Variants in SCYL2 observed in about 807,000 individuals in gnomAD.
SCYL2 encodes the protein SCY1-like protein 2.
SCYL2 carries 36 observed loss-of-function variants against 100.4 expected under a neutral mutation model. That is an observed-to-expected ratio of 0.36 (90% CI 0.27 to 0.47). SCYL2 has a LOEUF of 0.47. Among genes scored for constraint, SCYL2 ranks in the 20% least tolerant of loss-of-function variants. The pLI is 1.00. For synonymous variants in SCYL2, 330 were observed against 359.2 expected (o/e 0.92, Z 0.92); for missense variants, 902 against 1,083.9 (o/e 0.83, Z 2.36).
chr12:100,296,167 ATTACT>A (rs1309665032), intron 3 of SCYL2, among the ~76,000 whole-genome samples: 3 of 152,230 alleles, frequency 2.0e-5, no homozygotes, highest in African/African-American at 7.2e-5. Flanking sequence ...CAATTCAAAG[ATTACT>A]TTAAGATGTC....
chr12:100,296,509 A>G (rs556526206), intron 3 of SCYL2, among the ~76,000 whole-genome samples: 1 of 152,226 alleles, frequency 6.6e-6, no homozygotes, highest in Non-Finnish European at 1.5e-5. Flanking sequence ...ATATTGTCGT[A>G]TGGCAGGAGA....
At chr12:100,285,595 A>AG (rs1488016553) in intron 2 of SCYL2, among the ~76,000 whole-genome samples, 2 of 152,124 alleles carry the variant, frequency 1.3e-5, no homozygotes, top group Admixed American at 6.5e-5. Context: ...TTCTGGGTGG[A>AG]GGGTTTATCT....
intron 3 of SCYL2, among the ~76,000 whole-genome samples, chr12:100,296,327 G>A (rs2096320449): frequency 6.6e-6 from 1 of 152,186 alleles, no homozygotes; most frequent in Non-Finnish European, 1.5e-5. Context: ...TTCAGAAAGA[G>A]TAATTCAGAT....
At chr12:100,326,881 C>A in intron 12 of SCYL2, 127 bp downstream of exon 12, 1 of 725,494 alleles carries the variant, frequency 1.4e-6, no homozygotes, top group Non-Finnish European at 2.2e-6. Flanking sequence ...GTGATAAATA[C>A]CATAATATAA....
intron 10 of SCYL2, among the ~76,000 whole-genome samples, chr12:100,320,347 C>T (rs2135915554): frequency 1.3e-5 from 2 of 152,104 alleles, no homozygotes; most frequent in South Asian, 2.1e-4. Context: ...GAGTTCAAGA[C>T]CAGCCTGGCC....
At chr12:100,326,909 A>C (rs1952137768) in intron 12 of SCYL2, among the ~76,000 whole-genome samples, 155 bp downstream of exon 12, 2 of 152,214 alleles carry the variant, frequency 1.3e-5, no homozygotes, top group Admixed American at 1.3e-4. Flanking sequence ...CTTTAAGTTT[A>C]GCAAAAGCAG....
chr12:100,271,933 AG>A (rs1240708086), intron 1 of SCYL2, among the ~76,000 whole-genome samples: 1 of 152,216 alleles, frequency 6.6e-6, no homozygotes, highest in African/African-American at 2.4e-5. Flanking sequence ...ATTCATGAGC[AG>A]GCAGGACTGA....
intron 2 of SCYL2, among the ~76,000 whole-genome samples, chr12:100,290,861 G>C (rs1271438817): frequency 1.3e-5 from 2 of 152,018 alleles, no homozygotes; most frequent in African/African-American, 4.8e-5. Context: ...GTTTTTCCTT[G>C]GGTATCTGAG....
rs559756083 is a variant in SCYL2 at position 100,303,102 on chromosome 12, C to T, written c.480+4927C>T. On this transcript the variant is annotated intron_variant, in intron 4 of 17. Transcript: ENST00000360820. ...CTCATGCTGTGTTTTTCAGCTCCATCGGGTCATTTATGTTCTTCTCTAAAC... is the reference window on the plus strand; with the variant it reads ...CTCATGCTGTGTTTTTCAGCTCCATTGGGTCATTTATGTTCTTCTCTAAAC... Among the ~76,000 whole-genome samples the T allele has an allele frequency of 5.9e-5, 9 of 152,184 alleles. No individual in the cohort carries two copies. In the South Asian group the frequency reaches 8.3e-4, roughly 14 times the overall value.
intron 1 of SCYL2, among the ~76,000 whole-genome samples, chr12:100,269,698 G>A (rs781643676): frequency 7.9e-5 from 12 of 152,188 alleles, no homozygotes; most frequent in Non-Finnish European, 1.8e-4. Context: ...ATTAGAATTG[G>A]CATTTGAACT....
At chr12:100,313,864 A>C (rs1592956308) in intron 7 of SCYL2, among the ~76,000 whole-genome samples, 1 of 150,444 alleles carries the variant, frequency 6.6e-6, no homozygotes, top group African/African-American at 2.4e-5. Context: ...CCTTTATTTC[A>C]CTCATATAAC....
intron 10 of SCYL2, 98 bp downstream of exon 10, chr12:100,318,023 TAACTC>T (rs1344786377): frequency 1.0e-5 from 11 of 1,079,004 alleles, no homozygotes; most frequent in East Asian, 2.6e-5. Context: ...ATAAAATACA[TAACTC>T]AATAGTAAAT....
chr12:100,304,790 T>C (rs1225922575), intron 4 of SCYL2, among the ~76,000 whole-genome samples: 2 of 150,464 alleles, frequency 1.3e-5, no homozygotes, highest in Non-Finnish European at 3.0e-5. Context: ...AGGCTCAAAA[T>C]AAAGGAATGG....
chr12:100,313,392 C>A, intron 6 of SCYL2, 30 bp from the exon 7 acceptor site: 1 of 994,142 alleles, frequency 1.0e-6, no homozygotes, highest in Non-Finnish European at 1.5e-6. Context: ...ATATTTTATA[C>A]TCATTTAATG....
intron 1 of SCYL2, among the ~76,000 whole-genome samples, chr12:100,270,572 A>G (rs1042203822): frequency 2.6e-5 from 4 of 151,626 alleles, no homozygotes; most frequent in Non-Finnish European, 4.4e-5. Flanking sequence ...TATTGTTTAA[A>G]TTACTAATTT....
In SCYL2 at chr12:100,323,518, T is replaced by C. The variant is rs200277807; in HGVS notation, c.1396-7T>C. 1 of 1,495,460 alleles carries C rather than the reference T, an allele frequency of 6.7e-7. No individual in the cohort carries two copies. The highest frequency in any genetic ancestry group is 9.2e-7 in the Non-Finnish European group (1 of 1,081,470). 92.6% of individuals were successfully genotyped at this position (1,495,460 alleles called of 1,614,324 possible). A position where few individuals can be genotyped will look rare whatever the true frequency, so the allele number is the denominator to read the frequency against. On this transcript the variant is annotated splice_region_variant and splice_polypyrimidine_tract_variant and intron_variant, in intron 10 of 17. Transcript: ENST00000360820. ...CCTAATATTGATTCAGTTTATTTTC[T>C]TTATAGGAGCTCTGTCTAAACATCA... is the stretch of plus-strand genomic sequence containing the variant.
intron 1 of SCYL2, among the ~76,000 whole-genome samples, chr12:100,277,457 T>G (rs777984177): frequency 5.9e-5 from 9 of 152,248 alleles, no homozygotes; most frequent in Admixed American, 1.3e-4. Context: ...TGTGTACAGA[T>G]TTAGTATTGT....
chr12:100,294,390 C>A (rs2096314991), intron 3 of SCYL2, among the ~76,000 whole-genome samples: 1 of 123,768 alleles, frequency 8.1e-6, no homozygotes, highest in Non-Finnish European at 1.8e-5. Context: ...GGGCTGACCC[C>A]CCCACCTCCC....
At chr12:100,281,319 CTTT>C (rs1190500622) in intron 1 of SCYL2, among the ~76,000 whole-genome samples, 1 of 151,984 alleles carries the variant, frequency 6.6e-6, no homozygotes, top group Non-Finnish European at 1.5e-5. Flanking sequence ...CTGAATGCTT[CTTT>C]ATTAGGAAAT....
Sources: allele counts gnomAD v4.1 joint callset (sites outside exome capture counted in the v4.1 genomes callset), GRCh38; gene constraint gnomAD v4.1.1; transcripts MANE v1.5; gene names NCBI Gene and HGNC (gene_info 2026-07-23, HGNC 2026-07-21).